Variants in RC3H1 observed in about 807,000 individuals in gnomAD.
RC3H1 encodes the protein roquin-1.
RC3H1 carries 50 observed loss-of-function variants against 138.2 expected under a neutral mutation model. The observed-to-expected ratio is 0.36, with a 90% CI of 0.29 to 0.46. RC3H1 has a LOEUF of 0.46. RC3H1 is among the 20% of genes least tolerant of loss of function. RC3H1 has a pLI of 1.00. For synonymous variants in RC3H1, 462 were observed against 489.1 expected (o/e 0.94, Z 0.73); for missense variants, 1,031 against 1,388.1 (o/e 0.74, Z 4.09).
rs774029060 is a variant in RC3H1 at position 173,964,053 on chromosome 1, T to C, written c.1751A>G (p.Tyr584Cys). ...ATAAACATCCGTCTGTTGTGCTGGA[T>C]ATAACTGAGAACCTCGAGGTACCAT... ...LQMVPRGSQL[Y>C]PAQQTDVYYQ... The change falls in exon 11 of 20, where the codon TAT (tyrosine) becomes TGT (cysteine). Residue 584 changes from tyrosine (Y) to cysteine (C), a missense_variant. This residue lies in a region of RC3H1 where 716 missense variants were observed against 837.9 expected (regional missense o/e 0.85). Transcript: ENST00000367696. 5 of 1,614,162 alleles carry C rather than the reference T, an allele frequency of 3.1e-6. No individual in the cohort carries two copies. Among genetic ancestry groups the C allele is most frequent in the Non-Finnish European group, 4.2e-6 (5 of 1,180,022 alleles).
rs950095894 is a variant in RC3H1, at chr1:173,946,664, T to C, written c.2829-56A>G. The C allele has an allele frequency of 4.4e-6, 7 of 1,602,858 alleles. No homozygotes were observed. The African/African-American group carries it at 6.7e-5, about 15-fold the overall frequency. ...TTTAACATTTCATTTTGTTAACATA[T>C]TACTGACCAGAAAAACAAAAAGAAG... On this transcript the variant is annotated intron_variant, in intron 16 of 19. Transcript: ENST00000367696.
At chr1:173,974,032 G>A (rs1027152815) in intron 7 of RC3H1, among the ~76,000 whole-genome samples, 38 of 152,218 alleles carry the variant, frequency 2.5e-4, no homozygotes, top group African/African-American at 8.2e-4. Context: ...TGGGGCCAAT[G>A]TGTAAAATTT....
chr1:173,955,470 A>AC (rs1364863958), intron 13 of RC3H1, among the ~76,000 whole-genome samples: 1 of 150,948 alleles, frequency 6.6e-6, no homozygotes, highest in Non-Finnish European at 1.5e-5. Flanking sequence ...GATGCCCACC[A>AC]CCACGCCCGG....
At chr1:174,013,576 G>T (rs1661807742) in intron 1 of RC3H1, among the ~76,000 whole-genome samples, 1 of 151,762 alleles carries the variant, frequency 6.6e-6, no homozygotes, top group African/African-American at 2.4e-5. Context: ...CAAGCAGCTG[G>T]GACTATAGGT....
chr1:173,996,263 A>G (rs1236079455), intron 1 of RC3H1, among the ~76,000 whole-genome samples: 1 of 152,136 alleles, frequency 6.6e-6, no homozygotes, highest in Non-Finnish European at 1.5e-5. Context: ...AAATGTATGG[A>G]AAGAGACTCA....
chr1:173,998,756 T>C (rs1225811154), intron 1 of RC3H1, among the ~76,000 whole-genome samples: 2 of 152,172 alleles, frequency 1.3e-5, no homozygotes, highest in African/African-American at 4.8e-5. Flanking sequence ...TACTCAGGTT[T>C]TTTTTCTTAA....
intron 2 of RC3H1, among the ~76,000 whole-genome samples, chr1:173,988,526 T>A (rs1661128181): frequency 6.6e-6 from 1 of 152,248 alleles, no homozygotes; most frequent in South Asian, 2.1e-4. Flanking sequence ...CAATCATGAA[T>A]AAAGCTGTTA....
At chr1:173,962,563 G>C (rs147077556) in intron 11 of RC3H1, among the ~76,000 whole-genome samples, 1 of 152,290 alleles carries the variant, frequency 6.6e-6, no homozygotes, top group East Asian at 1.9e-4. Context: ...AACAGTTGTG[G>C]CAATAGTTTC....
chr1:173,972,092 T>C (rs1321081822), intron 8 of RC3H1, among the ~76,000 whole-genome samples: 1 of 152,120 alleles, frequency 6.6e-6, no homozygotes, highest in Non-Finnish European at 1.5e-5. Flanking sequence ...AGAAAATCTA[T>C]AGAAATTTGA....
intron 1 of RC3H1, among the ~76,000 whole-genome samples, chr1:173,993,957 T>C (rs1445503254): frequency 2.3e-5 from 3 of 132,660 alleles, no homozygotes; most frequent in African/African-American, 9.0e-5. Context: ...GAGGCGGAGG[T>C]TGTGGTGAGC....
At chr1:173,994,237 T>C (rs747454827) in intron 1 of RC3H1, among the ~76,000 whole-genome samples, 1 of 150,564 alleles carries the variant, frequency 6.6e-6, no homozygotes, top group African/African-American at 2.5e-5. Flanking sequence ...ACCAAAAATA[T>C]AAAAAATTAG....
At chr1:174,009,639 G>A (rs918473830) in intron 1 of RC3H1, among the ~76,000 whole-genome samples, 1 of 152,098 alleles carries the variant, frequency 6.6e-6, no homozygotes, top group African/African-American at 2.4e-5. Context: ...AGGAGTTCAA[G>A]ACCAGCCCGG....
chr1:174,021,955 GC>G, intron 1 of RC3H1, 140 bp downstream of exon 1: 1 of 377,310 alleles, frequency 2.7e-6, no homozygotes, highest in East Asian at 3.8e-5. Flanking sequence ...GGAGCCTGGG[GC>G]CGGCCGGGCT....
At position 173,940,067 on chromosome 1, in the gene RC3H1, G is replaced by A. The variant is rs557916380; in HGVS notation, c.3252-1196C>T. On this transcript the variant is annotated intron_variant, in intron 19 of 19. Transcript: ENST00000367696. ...CATGGTAGTTGATATGTATCTTTCC[G>A]TATCTACAGAATAATACTGGATGAT... is the stretch of plus-strand genomic sequence containing the variant. Among the ~76,000 whole-genome samples, 12 of 152,246 alleles carry A rather than the reference G, an allele frequency of 7.9e-5. No individual in the cohort carries two copies. The South Asian group carries it at 1.0e-3, about 13-fold the overall frequency.
chr1:173,980,493 A>T (rs1217339364), intron 6 of RC3H1, among the ~76,000 whole-genome samples: 2 of 149,284 alleles, frequency 1.3e-5, no homozygotes, highest in African/African-American at 2.4e-5. Flanking sequence ...AATGTTCATT[A>T]TTTTTTTTTT....
intron 4 of RC3H1, 56 bp from the exon 5 acceptor site, chr1:173,982,958 A>C: frequency 7.0e-7 from 1 of 1,431,832 alleles, no homozygotes; most frequent in East Asian, 2.3e-5. Flanking sequence ...AGATAAATCC[A>C]TTTATTAGAA....
At chr1:173,972,775 T>C (rs1192470654) in intron 7 of RC3H1, 148 bp from the exon 8 acceptor site, 1 of 616,294 alleles carries the variant, frequency 1.6e-6, no homozygotes, top group Admixed American at 2.7e-5. Flanking sequence ...CACCTAACCA[T>C]CATTTTAAAG....
intron 1 of RC3H1, among the ~76,000 whole-genome samples, chr1:174,010,197 AAAT>A (rs977483885): frequency 4.3e-4 from 65 of 152,152 alleles, no homozygotes; most frequent in African/African-American, 1.5e-3. Context: ...CAAAAATTAA[AAAT>A]AAGTAAAATG....
chr1:173,984,512 G>T lies in RC3H1; in HGVS notation c.339C>A (p.Leu113=). The part of the protein sequence containing the change: ...VEELALYLKP[L]SSARGVGLNS... ...AAACAAACTTACCTCTAGCACTGCT[G>T]AGCGGTTTTAAGTACAATGCTAATT... Residue 113 remains leucine (L), a synonymous_variant, in exon 3 of 20, where the codon CTC becomes CTA. Coordinates refer to ENST00000367696, the MANE Select transcript of RC3H1 (RefSeq NM_172071.4). 2 of 1,613,454 alleles carry T rather than the reference G, an allele frequency of 1.2e-6. No individual in the cohort carries two copies. The highest frequency in any genetic ancestry group is 1.7e-6 in the Non-Finnish European group (2 of 1,179,780).
Sources: allele counts gnomAD v4.1 joint callset (sites outside exome capture counted in the v4.1 genomes callset), GRCh38; gene constraint gnomAD v4.1.1; regional missense constraint gnomAD v4.1.1; transcripts MANE v1.5; gene names NCBI Gene and HGNC (gene_info 2026-07-23, HGNC 2026-07-21).